Variants in NEB observed in about 807,000 individuals in gnomAD.
NEB encodes the protein nemaline myopathy type 2.
In NEB, 512 loss-of-function variants were observed where a neutral mutation model predicts 952.2. The observed-to-expected ratio is 0.54, with a 90% CI of 0.50 to 0.58. The LOEUF (loss-of-function observed/expected upper bound fraction) is 0.58, where lower values mean the gene tolerates loss of function less well. NEB is among the 20% of genes least tolerant of loss of function. The probability of loss-of-function intolerance (pLI) is 0.00; values close to 1 mark genes in which losing one functional copy is unlikely to be tolerated. For synonymous variants in NEB, 2,900 were observed against 3,149.8 expected (o/e 0.92, Z 2.66); for missense variants, 8,428 against 9,231.1 (o/e 0.91, Z 3.56).
In NEB at chr2:151,576,269, G is replaced by C. The variant is rs777969701; in HGVS notation, c.16790C>G (p.Ala5597Gly). 1.1e-5 allele frequency: 18 copies of C among 1,610,926 alleles called. No homozygotes were observed. The highest frequency in any genetic ancestry group is 1.4e-5 in the Non-Finnish European group (17 of 1,178,146). Residue 5597 changes from alanine (A) to glycine (G), a missense_variant, in exon 106 of 182, where the codon GCC (alanine) becomes GGC (glycine). This residue lies in a region of NEB where 3,374 missense variants were observed against 3,651.5 expected (regional missense o/e 0.92). Coordinates refer to ENST00000397345, the MANE Select transcript of NEB (RefSeq NM_001164508.2). ...GACACTGTCACAAAAGATATTCTGG[G>C]CGTTTTTGACTCTCAACACTTCAGG... The part of the protein sequence containing the change: ...GSPEVLRVKN[A>G]QNIFCDSVYR...
In NEB at chr2:151,568,002, T is replaced by C. The variant is rs2288212; in HGVS notation, c.17844+69A>G. Reference sequence around the variant, plus strand: ...ACCTGGAAGGTGCTATCTCTGCCTTTGGCATAACTGGAATCCCTGGGAGCA... The same window carrying C: ...ACCTGGAAGGTGCTATCTCTGCCTTCGGCATAACTGGAATCCCTGGGAGCA... On this transcript the variant is annotated intron_variant, in intron 113 of 181. Coordinates refer to ENST00000397345, the MANE Select transcript of NEB (RefSeq NM_001164508.2). 3,009 of 1,216,968 alleles carry C rather than the reference T, an allele frequency of 2.5e-3. 42 individuals are homozygous for C. In the East Asian group the frequency reaches 0.032, roughly 13 times the overall value. 75.4% of individuals were successfully genotyped at this position (1,216,968 alleles called of 1,614,324 possible).
rs976873848 is a variant in NEB, at chr2:151,724,372, G to A, written c.508-8C>T. 1 of 1,596,762 alleles carries A rather than the reference G, an allele frequency of 6.3e-7. No individual in the cohort carries two copies. Among genetic ancestry groups the A allele is most frequent in the Non-Finnish European group, 8.6e-7 (1 of 1,168,042 alleles). ...GTTCTGCTTGTATAAAACCTAGACA[G>A]AAGGAGCAGAGGATCTGTGGCTTGA... On this transcript the variant is annotated splice_region_variant and splice_polypyrimidine_tract_variant and intron_variant, in intron 7 of 181. Coordinates refer to ENST00000397345, the MANE Select transcript of NEB (RefSeq NM_001164508.2).
At chr2:151,677,137 T>G (rs1002299342) in intron 34 of NEB, among the ~76,000 whole-genome samples, 1 of 152,224 alleles carries the variant, frequency 6.6e-6, no homozygotes, top group Non-Finnish European at 1.5e-5. Flanking sequence ...TTCATATGTA[T>G]TACTTCTCTG....
intron 153 of NEB, among the ~76,000 whole-genome samples, chr2:151,520,292 G>A (rs1361838781): frequency 4.6e-5 from 7 of 152,062 alleles, no homozygotes; most frequent in African/African-American, 1.4e-4. Flanking sequence ...GCCAAAAATG[G>A]TATAACTCCT....
chr2:151,551,734 T>C lies in NEB; in HGVS notation c.19944+4A>G. ...CTGGGCACTCTCAAGTTCTCACTGC[T>C]CACCGAACTCTGGAGCTTGTATGCA... On this transcript the variant is annotated splice_donor_region_variant and intron_variant, in intron 129 of 181. Transcript: ENST00000397345. The C allele has an allele frequency of 6.2e-7, 1 of 1,611,844 alleles. No homozygotes were observed. Among genetic ancestry groups the C allele is most frequent in the Non-Finnish European group, 8.5e-7 (1 of 1,178,200 alleles).
rs762108764 is a variant in NEB, at chr2:151,695,660, T to G, written c.1592A>C (p.Glu531Ala). 6.2e-7 allele frequency: 1 copy of G among 1,613,584 alleles called. No homozygotes were observed. Among genetic ancestry groups the G allele is most frequent in the South Asian group, 1.1e-5 (1 of 91,032 alleles). The stretch of plus-strand genomic sequence containing the variant: ...GATATGGCACTTGAACTTTTCACTT[T>G]CATGTTTTGCTTTGTAATTTAACTA... ...LSDLNYKAKH[E>A]SEKFKCHIPP... Residue 531 changes from glutamate (E) to alanine (A), a missense_variant, in exon 18 of 182, where the codon GAA (glutamate) becomes GCA (alanine). Around this residue, in one of 11 missense-constraint regions of NEB, gnomAD observed 2,851 missense variants for 2,791.5 expected, o/e 1.02. Transcript: ENST00000397345.
intron 54 of NEB, among the ~76,000 whole-genome samples, chr2:151,648,349 C>T (rs1020773893): frequency 2.0e-5 from 3 of 152,182 alleles, no homozygotes. Flanking sequence ...TTAAGACCCT[C>T]AGCACCCAAA....
intron 136 of NEB, 46 bp downstream of exon 136, chr2:151,541,400 AC>A: frequency 6.9e-7 from 1 of 1,448,590 alleles, no homozygotes; most frequent in Non-Finnish European, 9.6e-7. Context: ...ACATATAATC[AC>A]CCCCTGTGAT....
At position 151,545,932 on chromosome 2, in the gene NEB, G is replaced by T. The variant is rs201539722; in HGVS notation, c.20533C>A (p.Pro6845Thr). 15 of 1,611,098 alleles carry T rather than the reference G, an allele frequency of 9.3e-6. No individual in the cohort carries two copies. In the South Asian group the frequency reaches 1.2e-4, roughly 13 times the overall value. Reference protein sequence around the residue: ...RDKYKVVLDTPEYRKVQELKT... With the variant: ...RDKYKVVLDTTEYRKVQELKT... The stretch of plus-strand genomic sequence containing the variant: ...AGTTCTTGCACTTTTCTGTATTCTG[G>T]AGTGTCAAGCACCACTTTGTATTTG... The change falls in exon 135 of 182, where the codon CCA becomes ACA. Residue 6845 changes from proline to threonine, a missense_variant. Physicochemically the swap from Pro to Thr is conservative, Grantham distance 38 (BLOSUM62 -1). Transcript: ENST00000397345.
intron 39 of NEB, among the ~76,000 whole-genome samples, chr2:151,668,768 T>C (rs1022310998): frequency 9.3e-5 from 14 of 150,004 alleles, no homozygotes; most frequent in African/African-American, 3.2e-4. Flanking sequence ...TCATGTTCCA[T>C]TTTTTTTTTA....
rs200059848 is a variant in NEB, at chr2:151,575,692, T to C, written c.17013+3A>G. The C allele has an allele frequency of 1.9e-6, 3 of 1,564,218 alleles. No individual in the cohort carries two copies. The Admixed American group carries it at 5.0e-5, about 26-fold the overall frequency. On this transcript the variant is annotated splice_donor_region_variant and intron_variant, in intron 107 of 181. Coordinates refer to ENST00000397345, the MANE Select transcript of NEB (RefSeq NM_001164508.2). ...CAAAAAGAGAGTCTGTTGTAGTACT[T>C]ACATTGCTCACATTAAGAGCATTTG... is the stretch of plus-strand genomic sequence containing the variant.
At chr2:151,505,662 TA>T (rs1048148463) in intron 164 of NEB, 92 bp from the exon 165 acceptor site, 1 of 1,039,992 alleles carries the variant, frequency 9.6e-7, no homozygotes, top group Non-Finnish European at 1.5e-6. Context: ...GCCCCCAAAT[TA>T]AAAAAATTAA....
At chr2:151,565,367 C>A (rs950797898) in intron 116 of NEB, 134 bp downstream of exon 116, 15 of 732,566 alleles carry the variant, frequency 2.0e-5, no homozygotes, top group Non-Finnish European at 3.6e-5. Context: ...AAGACATACC[C>A]CCCAAAGATG....
Position 151,518,307 on chromosome 2 carries a change from G to C in NEB, c.22800+11C>G. ...GTGCGCCAGAGGAAAAATCGGTCTT[G>C]ATCCACTTACTATACTCTGTAATTC... is the stretch of plus-strand genomic sequence containing the variant. On this transcript the variant is annotated intron_variant, in intron 156 of 181. Transcript: ENST00000397345. The C allele has an allele frequency of 1.3e-6, 2 of 1,569,496 alleles. No individual in the cohort carries two copies. Among genetic ancestry groups the C allele is most frequent in the Non-Finnish European group, 1.8e-6 (2 of 1,139,440 alleles).
intron 54 of NEB, among the ~76,000 whole-genome samples, chr2:151,649,801 C>G (rs2099010073): frequency 6.6e-6 from 1 of 152,174 alleles, no homozygotes; most frequent in Non-Finnish European, 1.5e-5. Context: ...AGGAAATACA[C>G]TCTTTATAAC....
In NEB at chr2:151,529,279, G is replaced by A; in HGVS notation, c.21666C>T (p.Ser7222=). ...CAGCATCTGGCTCAATGGTGCAGTT[G>A]GATTTATTTCTTTGGTATACTTCTT... ...KYKEVYQRNK[S]NCTIEPDAVH... is the part of the protein sequence containing the mutation. Residue 7222 remains serine (S), a synonymous_variant, in exon 146 of 182, where the codon TCC becomes TCT. Transcript: ENST00000397345. 6.2e-7 allele frequency: 1 copy of A among 1,613,362 alleles called. No individual in the cohort carries two copies.
chr2:151,630,026 ATATC>A (rs2098630974), intron 67 of NEB, among the ~76,000 whole-genome samples: 1 of 152,094 alleles, frequency 6.6e-6, no homozygotes, highest in African/African-American at 2.4e-5. Context: ...ACAATGTTTA[ATATC>A]TATCTATACG....
rs745573198 is a variant in NEB at position 151,525,966 on chromosome 2, C to A, written c.22153G>T (p.Val7385Phe). Reference sequence around the variant, plus strand: ...GGTGGTTGATCACTTACATCACTGACATGCTTGGTCACTTCCTTGACGTGA... The same window carrying A: ...GGTGGTTGATCACTTACATCACTGAAATGCTTGGTCACTTCCTTGACGTGA... Reference protein sequence around the residue: ...TVHVKEVTKHVSDTNYKKKFV... With the variant: ...TVHVKEVTKHFSDTNYKKKFV... The change falls in exon 150 of 182, where the codon GTC (valine) becomes TTC (phenylalanine). Residue 7385 changes from valine (V) to phenylalanine (F), a missense_variant. Around this residue, in one of 11 missense-constraint regions of NEB, gnomAD observed 3,374 missense variants for 3,651.5 expected, o/e 0.92. Transcript: ENST00000397345. The A allele has an allele frequency of 3.9e-5, 63 of 1,613,508 alleles. No homozygotes were observed. The East Asian group carries it at 1.4e-3, about 36-fold the overall frequency.
chr2:151,679,584 T>A, intron 32 of NEB, 137 bp downstream of exon 32: 1 of 629,786 alleles, frequency 1.6e-6, no homozygotes, highest in Non-Finnish European at 2.8e-6. Context: ...TAGGGAACTT[T>A]ATTTCCTAAA....
Sources: gnomAD v4.1 joint callset for allele counts (sites outside exome capture counted in the v4.1 genomes callset) on GRCh38, gnomAD v4.1.1 for gene constraint, gnomAD v4.1.1 regional missense constraint, MANE v1.5 for transcripts, NCBI Gene and HGNC (gene_info 2026-07-23, HGNC 2026-07-21) for gene names.